PASD1: variants seen among roughly 807,000 people sequenced by gnomAD.
PASD1 encodes circadian clock protein PASD1.
Under a neutral mutation model 58.8 loss-of-function variants are expected in PASD1, and 13 were observed. The observed-to-expected ratio is 0.22, with a 90% CI of 0.14 to 0.35. The LOEUF (loss-of-function observed/expected upper bound fraction) is 0.35. Ranked by LOEUF, PASD1 falls within the 10% of genes least tolerant of loss-of-function variation. The pLI, the probability that PASD1 is intolerant of heterozygous loss-of-function variation, is 1.00. For synonymous variants in PASD1, 236 were observed against 216.7 expected (o/e 1.09, Z -0.78); for missense variants, 734 against 568.3 (o/e 1.29, Z -2.96).
intron 7 of PASD1, among the ~76,000 whole-genome samples, chrX:151,624,775 C>A (rs1051737897): frequency 2.7e-5 from 3 of 111,569 alleles, no homozygotes; most frequent in African/African-American, 9.8e-5. Flanking sequence ...CCTTTACATT[C>A]AATTTTAGAA....
intron 14 of PASD1, chrX:151,673,577 A>G: frequency 3.8e-6 from 1 of 259,886 alleles, no homozygotes; most frequent in East Asian, 7.4e-5. Context: ...TGGAGTTTGG[A>G]AATCTGCCTT....
At chrX:151,628,310 G>T (rs1003627738) in intron 8 of PASD1, among the ~76,000 whole-genome samples, 3 of 112,043 alleles carry the variant, frequency 2.7e-5, no homozygotes, top group Non-Finnish European at 5.6e-5. Flanking sequence ...TATTGTCTAG[G>T]TTTTCTTCTA....
rs1383141192 is a variant in PASD1 at position 151,599,477 on chromosome X, T to G, written c.-27-2050T>G. On this transcript the variant is annotated intron_variant, in intron 1 of 15. Coordinates refer to ENST00000370357, the MANE Select transcript of PASD1 (RefSeq NM_173493.3). ...CCCGCCACCTCCCGGACTGGGCGGC[T>G]GCCGGGCGGAGACGCTCCTCACTTC... is the stretch of plus-strand genomic sequence containing the variant. Among the ~76,000 whole-genome samples, 6 of 108,457 alleles carry G rather than the reference T, an allele frequency of 5.5e-5. No individual in the cohort carries two copies. In the East Asian group the frequency reaches 1.8e-3, roughly 33 times the overall value. The allele number at this position is 108,457 out of a possible 115,157, so 94.2% of individuals were successfully genotyped here.
intron 9 of PASD1, among the ~76,000 whole-genome samples, chrX:151,652,334 C>T (rs991767593): frequency 8.1e-5 from 9 of 110,679 alleles, no homozygotes; most frequent in Non-Finnish European, 1.5e-4. Flanking sequence ...GAGTTCGAGA[C>T]CAGCCTGACC....
At chrX:151,576,158 G>A (rs868151564) in intron 1 of PASD1, among the ~76,000 whole-genome samples, 1 of 110,212 alleles carries the variant, frequency 9.1e-6, no homozygotes, top group Non-Finnish European at 1.9e-5. Context: ...GTGAGCCATG[G>A]CGCTCAGTCC....
chrX:151,600,181 T>A (rs1228316300), intron 1 of PASD1, among the ~76,000 whole-genome samples: 1 of 110,497 alleles, frequency 9.1e-6, no homozygotes, highest in Non-Finnish European at 1.9e-5. Flanking sequence ...GGAGAATCAG[T>A]CAGGGAGGTT....
chrX:151,595,680 G>A (rs779878026), intron 1 of PASD1, among the ~76,000 whole-genome samples: 1 of 110,461 alleles, frequency 9.1e-6, no homozygotes, highest in Non-Finnish European at 1.9e-5. Flanking sequence ...AGCCGAGATC[G>A]TGCCACTGTA....
At chrX:151,567,045 AAAATAAATAAATAAATAAATAAATAAAT>A (rs370364202) in intron 1 of PASD1, among the ~76,000 whole-genome samples, 7,086 of 94,853 alleles carry the variant, frequency 0.075, 318 homozygotes, top group African/African-American at 0.16. Flanking sequence ...ACTCCGTCTC[AAAATAAATAAATAAATAAATAAATAAAT>A]AAATAAATAA....
At chrX:151,583,811 C>A (rs1370456646) in intron 1 of PASD1, among the ~76,000 whole-genome samples, 1 of 111,648 alleles carries the variant, frequency 9.0e-6, no homozygotes, top group East Asian at 2.8e-4. Context: ...GGAATAAATG[C>A]AGTACTTCAG....
intron 8 of PASD1, among the ~76,000 whole-genome samples, chrX:151,640,864 A>G (rs1318893944): frequency 1.8e-5 from 2 of 111,856 alleles, no homozygotes; most frequent in African/African-American, 6.5e-5. Flanking sequence ...TTTACTTAAT[A>G]TTTCTACACT....
intron 8 of PASD1, among the ~76,000 whole-genome samples, chrX:151,626,534 A>T (rs897359561): frequency 3.6e-5 from 4 of 111,850 alleles, no homozygotes; most frequent in Non-Finnish European, 7.5e-5. Context: ...ATTTGTATGT[A>T]GTAAGCCACA....
intron 1 of PASD1, among the ~76,000 whole-genome samples, chrX:151,582,147 C>T (rs112880430): frequency 0.029 from 3,151 of 108,903 alleles, 78 homozygotes; most frequent in African/African-American, 0.076. Flanking sequence ...TCACCACGCC[C>T]GGCTAATTTT....
chrX:151,664,594 G>T (rs2014355945), intron 11 of PASD1, among the ~76,000 whole-genome samples: 1 of 112,069 alleles, frequency 8.9e-6, no homozygotes, highest in Non-Finnish European at 1.9e-5. Context: ...TTCTTAATAT[G>T]AAATCCCATG....
chrX:151,646,090 T>TC (rs1218207030), intron 8 of PASD1, among the ~76,000 whole-genome samples: 10 of 110,473 alleles, frequency 9.1e-5, no homozygotes, highest in South Asian at 3.9e-4. Context: ...TTTTATTTTT[T>TC]CTAGAGATGG....
intron 9 of PASD1, among the ~76,000 whole-genome samples, chrX:151,655,413 C>T (rs1160759866): frequency 1.8e-5 from 2 of 111,620 alleles, no homozygotes; most frequent in Non-Finnish European, 3.8e-5. Context: ...GTTCTAGATC[C>T]TTGAGGAATT....
intron 3 of PASD1, among the ~76,000 whole-genome samples, chrX:151,605,272 A>G: frequency 8.9e-6 from 1 of 111,853 alleles, no homozygotes; most frequent in Admixed American, 9.4e-5. Flanking sequence ...CTGAGCCTTG[A>G]TTTCTTTCTC....
In PASD1 at chrX:151,574,745, T is replaced by C. The variant is rs894020878; in HGVS notation, c.-28+10906T>C. 3.9e-4 allele frequency among the ~76,000 whole-genome samples: 44 copies of C among 112,208 alleles called. No individual in the cohort carries two copies. In the Admixed American group the frequency reaches 4.1e-3, roughly 11 times the overall value. ...CCCTCAGAAAAGGCAAGAATACTATTTGCCTAAAGTGAAGCAAGTCCATAG... is the reference window on the plus strand; with the variant it reads ...CCCTCAGAAAAGGCAAGAATACTATCTGCCTAAAGTGAAGCAAGTCCATAG... On this transcript the variant is annotated intron_variant, in intron 1 of 15. Transcript: ENST00000370357.
At chrX:151,654,619 C>T (rs2014212701) in intron 9 of PASD1, among the ~76,000 whole-genome samples, 1 of 112,135 alleles carries the variant, frequency 8.9e-6, no homozygotes, top group South Asian at 3.7e-4. Flanking sequence ...ATGTCAGCTA[C>T]TGCTGATAGA....
chrX:151,621,470 T>G lies in PASD1; in HGVS notation c.308-12T>G, dbSNP rs750144192. The G allele has an allele frequency of 6.1e-6, 7 of 1,145,883 alleles. No individual in the cohort carries two copies. The highest frequency in any genetic ancestry group is 8.3e-6 in the Non-Finnish European group (7 of 844,201). 94.4% of individuals were successfully genotyped at this position (1,145,883 alleles called of 1,213,427 possible). ...ATGTAGACTTGTTTTGTATTTCTTC[T>G]CTTTTTACTAGAAACACATATTGAA... On this transcript the variant is annotated splice_polypyrimidine_tract_variant and intron_variant, in intron 5 of 15. Coordinates refer to ENST00000370357, the MANE Select transcript of PASD1 (RefSeq NM_173493.3).
Sources: allele counts gnomAD v4.1 joint callset (sites outside exome capture counted in the v4.1 genomes callset), GRCh38; gene constraint gnomAD v4.1.1; transcripts MANE v1.5; gene names NCBI Gene and HGNC (gene_info 2026-07-23, HGNC 2026-07-21).